RALY: variants seen among roughly 807,000 people sequenced by gnomAD.
RALY encodes the protein RNA-binding protein Raly.
RALY carries 15 observed loss-of-function variants against 30.7 expected under a neutral mutation model. The ratio of observed to expected loss-of-function variants is 0.49; its 90% CI spans 0.33 to 0.75. RALY has a LOEUF of 0.75. Among genes scored for constraint, RALY ranks in the 30% least tolerant of loss-of-function variants. The pLI, the probability that RALY is intolerant of heterozygous loss-of-function variation, is 0.02. For synonymous variants in RALY, 177 were observed against 170.8 expected (o/e 1.04, Z -0.28); for missense variants, 339 against 414.3 (o/e 0.82, Z 1.58).
intron 2 of RALY, among the ~76,000 whole-genome samples, chr20:34,036,544 C>G (rs1300834544): frequency 1.3e-5 from 2 of 152,274 alleles, no homozygotes; most frequent in East Asian, 3.9e-4. Flanking sequence ...AGGGTGGCCT[C>G]ATGGAATGAA....
chr20:34,057,163 T>C (rs2033269844), intron 2 of RALY, among the ~76,000 whole-genome samples: 1 of 152,166 alleles, frequency 6.6e-6, no homozygotes, highest in Non-Finnish European at 1.5e-5. Context: ...TAATGCTAAT[T>C]GAAAAAATTA....
At chr20:34,046,893 C>T (rs1244238090) in intron 2 of RALY, among the ~76,000 whole-genome samples, 1 of 148,192 alleles carries the variant, frequency 6.7e-6, no homozygotes, top group Non-Finnish European at 1.5e-5. Flanking sequence ...GACCTCGGCT[C>T]ACTGCAGCCT....
At chr20:34,051,656 C>CACA (rs2033082289) in intron 2 of RALY, among the ~76,000 whole-genome samples, 1 of 152,056 alleles carries the variant, frequency 6.6e-6, no homozygotes, top group Non-Finnish European at 1.5e-5. Flanking sequence ...AGTGCAGTGG[C>CACA]GTGATCTCCG....
chr20:34,028,705 CAAAAAAAA>C (rs71338492), intron 1 of RALY, among the ~76,000 whole-genome samples: 8 of 20,436 alleles, frequency 3.9e-4, no homozygotes, highest in Admixed American at 9.3e-4. Flanking sequence ...GACTCCATCT[CAAAAAAAA>C]AAAAAAAAAA....
At chr20:34,043,600 C>CT (rs2032775536) in intron 2 of RALY, among the ~76,000 whole-genome samples, 1 of 152,190 alleles carries the variant, frequency 6.6e-6, no homozygotes, top group African/African-American at 2.4e-5. Context: ...TCTGCAAAGA[C>CT]TTTTGCCCTT....
At chr20:34,076,643 G>C in intron 6 of RALY, 59 bp from the exon 7 acceptor site, 1 of 1,416,686 alleles carries the variant, frequency 7.1e-7, no homozygotes, top group South Asian at 1.2e-5. Context: ...CTGAGGTTTT[G>C]TGCTAGTGTC....
At position 34,025,307 on chromosome 20, in the gene RALY, C is replaced by CT. The variant is rs2031977952; in HGVS notation, c.-92-6214dup. ...TTCAGCAACACGTCTCTCTCTCTCT[C>CT]TCTTTTTTTTTTTTAAGACAATCTC... On this transcript the variant is annotated intron_variant, in intron 1 of 9. Transcript: ENST00000246194. Among the ~76,000 whole-genome samples, 11 of 71,140 alleles carry CT rather than the reference C, an allele frequency of 1.5e-4. No homozygotes were observed. In the South Asian group the frequency reaches 2.3e-3, roughly 15 times the overall value. 46.7% of individuals were successfully genotyped at this position (71,140 alleles called of 152,430 possible). A position where few individuals can be genotyped will look rare whatever the true frequency, so the allele number is the denominator to read the frequency against.
Position 34,075,992 on chromosome 20 carries a change from C to A in RALY, c.496C>A (p.Leu166Ile). 1 of 1,614,250 alleles carries A rather than the reference C, an allele frequency of 6.2e-7. No individual in the cohort carries two copies. The highest frequency in any genetic ancestry group is 1.1e-5 in the South Asian group (1 of 91,088). ...TGTCAAAACTAACGTACCTGTCAAG[C>A]TCTTTGCCCGCTCCACAGCTGTCAC... Reference protein sequence around the residue: ...RRVKTNVPVKLFARSTAVTTS... With the variant: ...RRVKTNVPVKIFARSTAVTTS... The change falls in exon 6 of 10, where the codon CTC becomes ATC. Residue 166 changes from leucine to isoleucine, a missense_variant. Physicochemically the swap from Leu to Ile is conservative, Grantham distance 5 (BLOSUM62 2). Transcript: ENST00000246194.
chr20:34,065,335 A>G (rs2033539740), intron 2 of RALY, among the ~76,000 whole-genome samples: 1 of 152,250 alleles, frequency 6.6e-6, no homozygotes, highest in African/African-American at 2.4e-5. Context: ...ATTAAAGACA[A>G]GAAGGCCTAG....
rs1417682106 is a variant in RALY at position 34,072,280 on chromosome 20, G to A, written c.206G>A (p.Arg69Gln). ...CAGTACTCCAATGAGCGCCATGCCC[G>A]GGCAGCTGTGCTGGGAGAGAATGGG... is the stretch of plus-strand genomic sequence containing the variant. The part of the protein sequence containing the change: ...FVQYSNERHA[R>Q]AAVLGENGRV... The change falls in exon 3 of 10, where the codon CGG (arginine) becomes CAG (glutamine). Residue 69 changes from arginine (R) to glutamine (Q), a missense_variant. This residue lies in a region of RALY where 71 missense variants were observed against 133.7 expected (regional missense o/e 0.53). Coordinates refer to ENST00000246194, the MANE Select transcript of RALY (RefSeq NM_016732.3). The A allele has an allele frequency of 6.8e-6, 11 of 1,613,940 alleles. No homozygotes were observed. The highest frequency in any genetic ancestry group is 5.0e-5 in the Admixed American group (3 of 60,030).
At chr20:33,995,597 G>A (rs1231644570) in intron 1 of RALY, among the ~76,000 whole-genome samples, 1 of 152,202 alleles carries the variant, frequency 6.6e-6, no homozygotes, top group Non-Finnish European at 1.5e-5. Context: ...AGGTCTTGAG[G>A]AGTCTCTTGA....
At chr20:34,041,933 CTG>C (rs1185628374) in intron 2 of RALY, among the ~76,000 whole-genome samples, 1 of 152,030 alleles carries the variant, frequency 6.6e-6, no homozygotes, top group Non-Finnish European at 1.5e-5. Context: ...TGGTGAAACC[CTG>C]TCTCTACTAA....
chr20:34,083,462 T>C lies in RALY; in HGVS notation c.*3557T>C, dbSNP rs1024744666. ...CTTGAGGATATTGCTATGACGTATC[T>C]TTTGGCCAAAGTAAGTCACATGGCT... On this transcript the variant is annotated 3_prime_UTR_variant, in exon 10 of 10. Transcript: ENST00000246194. The C allele has an allele frequency of 1.3e-5, 2 of 152,228 alleles. No homozygotes were observed. Among genetic ancestry groups the C allele is most frequent in the African/African-American group, 4.8e-5 (2 of 41,452 alleles). The allele number at this position is 152,228 out of a possible 1,614,324, so 9.4% of individuals were successfully genotyped here. A position where few individuals can be genotyped will look rare whatever the true frequency, so the allele number is the denominator to read the frequency against.
intron 2 of RALY, among the ~76,000 whole-genome samples, chr20:34,064,447 C>G (rs903779197): frequency 6.6e-6 from 1 of 152,144 alleles, no homozygotes; most frequent in African/African-American, 2.4e-5. Flanking sequence ...CCGCGCAGTA[C>G]AGTTGAGGGG....
At chr20:34,035,429 T>C (rs2032458792) in intron 2 of RALY, among the ~76,000 whole-genome samples, 1 of 152,200 alleles carries the variant, frequency 6.6e-6, no homozygotes, top group Admixed American at 6.5e-5. Flanking sequence ...GATATTCTTA[T>C]TTTATAAATT....
intron 1 of RALY, among the ~76,000 whole-genome samples, chr20:34,010,652 A>G (rs905707534): frequency 6.6e-6 from 1 of 152,162 alleles, no homozygotes; most frequent in Admixed American, 6.5e-5. Context: ...ATGACAACTG[A>G]TCCTGATTTT....
At chr20:34,057,929 G>A (rs2033302048) in intron 2 of RALY, among the ~76,000 whole-genome samples, 1 of 152,070 alleles carries the variant, frequency 6.6e-6, no homozygotes, top group Non-Finnish European at 1.5e-5. Context: ...CTAGTAAGTG[G>A]CTGATCCTGG....
At chr20:34,026,298 C>T (rs1049649401) in intron 1 of RALY, among the ~76,000 whole-genome samples, 4 of 152,206 alleles carry the variant, frequency 2.6e-5, no homozygotes, top group African/African-American at 9.6e-5. Context: ...ATTCCTGCTG[C>T]TTCTCTTTTA....
intron 2 of RALY, among the ~76,000 whole-genome samples, chr20:34,053,868 A>G (rs1002330026): frequency 9.9e-5 from 15 of 152,112 alleles, no homozygotes; most frequent in African/African-American, 3.6e-4. Flanking sequence ...CTCTGTCACT[A>G]TTGATATTGC....
Sources: allele counts gnomAD v4.1 joint callset (sites outside exome capture counted in the v4.1 genomes callset), GRCh38; gene constraint gnomAD v4.1.1; regional missense constraint gnomAD v4.1.1; transcripts MANE v1.5; gene names NCBI Gene and HGNC (gene_info 2026-07-23, HGNC 2026-07-21).